The following ZRANB3 variants were observed in gnomAD, a reference collection of about 807,000 sequenced individuals.
The protein encoded by ZRANB3 is DNA annealing helicase and endonuclease ZRANB3.
ZRANB3 carries 125 observed loss-of-function variants against 133.8 expected under a neutral mutation model. The observed-to-expected ratio is 0.93, with a 90% CI of 0.81 to 1.08. The LOEUF is 1.08. Ranked by LOEUF, ZRANB3 falls within the 50% of genes least tolerant of loss-of-function variation. ZRANB3 has a pLI of 0.00. For missense variants in ZRANB3, 1,229 were observed against 1,275.5 expected (o/e 0.96, Z 0.56); for synonymous variants, 387 against 432.7 (o/e 0.89, Z 1.31).
At chr2:135,216,684 C>T (rs1694326392) in intron 17 of ZRANB3, among the ~76,000 whole-genome samples, 1 of 151,998 alleles carries the variant, frequency 6.6e-6, no homozygotes. Flanking sequence ...ATGCAATCTA[C>T]CCGCCTTGGC....
intron 2 of ZRANB3, among the ~76,000 whole-genome samples, chr2:135,407,663 A>T (rs1688103894): frequency 6.6e-6 from 1 of 151,922 alleles, no homozygotes; most frequent in Admixed American, 6.5e-5. Context: ...CTCAGAAATA[A>T]TGCCGAATAT....
intron 2 of ZRANB3, among the ~76,000 whole-genome samples, chr2:135,432,971 A>G (rs1689383942): frequency 6.6e-6 from 1 of 152,186 alleles, no homozygotes; most frequent in African/African-American, 2.4e-5. Context: ...AGCTAGACTG[A>G]AGTGCTTATT....
chr2:135,418,622 T>C (rs1688693676), intron 2 of ZRANB3, among the ~76,000 whole-genome samples: 1 of 152,110 alleles, frequency 6.6e-6, no homozygotes, highest in Admixed American at 6.6e-5. Flanking sequence ...TATATATGGG[T>C]GGTACTTAAA....
At chr2:135,453,946 C>T (rs760107013) in intron 2 of ZRANB3, among the ~76,000 whole-genome samples, 13 of 152,122 alleles carry the variant, frequency 8.5e-5, no homozygotes, top group Admixed American at 3.9e-4. Context: ...AAGACATACC[C>T]GAAACTGGGA....
intron 2 of ZRANB3, among the ~76,000 whole-genome samples, chr2:135,392,959 G>T (rs1386635498): frequency 6.6e-6 from 1 of 151,634 alleles, no homozygotes; most frequent in Admixed American, 6.6e-5. Flanking sequence ...GCTCACTGCA[G>T]CCTTGACCTC....
intron 6 of ZRANB3, among the ~76,000 whole-genome samples, chr2:135,338,433 T>C (rs1684467887): frequency 1.3e-5 from 2 of 152,234 alleles, no homozygotes; most frequent in Admixed American, 1.3e-4. Flanking sequence ...TGCTGAACAG[T>C]TAAACTAACA....
chr2:135,484,817 T>G (rs1574180861), intron 2 of ZRANB3, among the ~76,000 whole-genome samples: 1 of 151,708 alleles, frequency 6.6e-6, no homozygotes, highest in Non-Finnish European at 1.5e-5. Context: ...GCAGATCACT[T>G]GAGGTCAGGA....
intron 6 of ZRANB3, among the ~76,000 whole-genome samples, chr2:135,337,948 G>C (rs1042733430): frequency 6.6e-6 from 1 of 152,108 alleles, no homozygotes; most frequent in East Asian, 1.9e-4. Context: ...ACTTTGAGCT[G>C]GGAAAGATTA....
intron 2 of ZRANB3, among the ~76,000 whole-genome samples, chr2:135,451,250 A>G (rs1690254178): frequency 6.6e-6 from 1 of 152,168 alleles, no homozygotes; most frequent in Admixed American, 6.5e-5. Flanking sequence ...GGAAATATAT[A>G]CCATGTCTGG....
chr2:135,345,566 A>G lies in ZRANB3; in HGVS notation c.661T>C (p.Cys221Arg). The change falls in exon 6 of 21, where the codon TGT (cysteine) becomes CGT (arginine). Residue 221 changes from cysteine to arginine, a missense_variant. Transcript: ENST00000264159. ...GRWTDYAKRY[C>R]NAHIRYFGKR... ...TTAACTTACCTGATGTGTGCATTAC[A>G]GTATCTTTTTGCATAGTCGGTCCAT... 1 of 1,612,226 alleles carries G rather than the reference A, an allele frequency of 6.2e-7. No homozygotes were observed. Among genetic ancestry groups the G allele is most frequent in the Non-Finnish European group, 8.5e-7 (1 of 1,179,004 alleles).
chr2:135,465,282 G>T lies in ZRANB3; in HGVS notation c.161+39047C>A, dbSNP rs1447580115. On this transcript the variant is annotated intron_variant, in intron 2 of 20. Transcript: ENST00000264159. Reference sequence around the variant, plus strand: ...GTAAACATTTCCCCCTTAACTCATGGTTACCTAATTTTGTCATTATCTTAC... The same window carrying T: ...GTAAACATTTCCCCCTTAACTCATGTTTACCTAATTTTGTCATTATCTTAC... Among the ~76,000 whole-genome samples, 4 of 147,576 alleles carry T rather than the reference G, an allele frequency of 2.7e-5. No individual in the cohort carries two copies. In the East Asian group the frequency reaches 8.0e-4, roughly 30 times the overall value.
At chr2:135,295,687 AT>A (rs1455207564) in intron 8 of ZRANB3, among the ~76,000 whole-genome samples, 23 of 149,596 alleles carry the variant, frequency 1.5e-4, no homozygotes, top group South Asian at 6.4e-4. Context: ...GGTCTTTACA[AT>A]TTGGCATGTT....
At chr2:135,519,397 G>A (rs1056116725) in intron 1 of ZRANB3, among the ~76,000 whole-genome samples, 2 of 152,060 alleles carry the variant, frequency 1.3e-5, no homozygotes, top group African/African-American at 4.8e-5. Context: ...TGTAATCCCA[G>A]AACTTTGGGA....
chr2:135,275,587 G>C (rs764154533), intron 9 of ZRANB3, 49 bp downstream of exon 9: 27 of 1,483,626 alleles, frequency 1.8e-5, no homozygotes, highest in Non-Finnish European at 2.3e-5. Flanking sequence ...GTTTAGTATA[G>C]TAAAAATATG....
chr2:135,334,512 T>C lies in ZRANB3; in HGVS notation c.677+11038A>G, dbSNP rs1439097833. Among the ~76,000 whole-genome samples the C allele has an allele frequency of 2.6e-5, 4 of 152,182 alleles. No individual in the cohort carries two copies. In the East Asian group the frequency reaches 7.7e-4, roughly 29 times the overall value. ...TTGCCAATGGAATAGACACAACCTC[T>C]ATTCAGCCATGGGTGAGAACATTAA... On this transcript the variant is annotated intron_variant, in intron 6 of 20. Transcript: ENST00000264159.
chr2:135,324,641 C>T (rs775718779), intron 6 of ZRANB3, among the ~76,000 whole-genome samples: 48 of 152,140 alleles, frequency 3.2e-4, no homozygotes, highest in Admixed American at 8.5e-4. Flanking sequence ...GTTCTAGATC[C>T]TTGAGGAATC....
chr2:135,520,842 A>G (rs896567813), intron 1 of ZRANB3, among the ~76,000 whole-genome samples: 3 of 151,860 alleles, frequency 2.0e-5, no homozygotes, highest in African/African-American at 7.3e-5. Context: ...GTCTCATTAC[A>G]TTGCCAAGGC....
intron 6 of ZRANB3, among the ~76,000 whole-genome samples, chr2:135,333,333 A>T (rs1438969096): frequency 2.0e-5 from 3 of 152,218 alleles, no homozygotes; most frequent in African/African-American, 7.2e-5. Flanking sequence ...ACCATAATGT[A>T]TACCATTTAT....
At chr2:135,376,537 A>G (rs1686436998) in intron 3 of ZRANB3, among the ~76,000 whole-genome samples, 1 of 152,272 alleles carries the variant, frequency 6.6e-6, no homozygotes, top group South Asian at 2.1e-4. Context: ...AGCTACAAAA[A>G]GACACGGATG....
Sources: allele counts gnomAD v4.1 joint callset (sites outside exome capture counted in the v4.1 genomes callset), GRCh38; gene constraint gnomAD v4.1.1; transcripts MANE v1.5; gene names NCBI Gene and HGNC (gene_info 2026-07-23, HGNC 2026-07-21).